Variants in RIMS2 observed in about 807,000 individuals in gnomAD.
RIMS2 encodes regulating synaptic membrane exocytosis 2.
A neutral mutation model predicts 174.4 loss-of-function variants in RIMS2; 59 were observed. The ratio of observed to expected loss-of-function variants is 0.34; its 90% CI spans 0.27 to 0.42. The LOEUF is 0.42. Among genes scored for constraint, RIMS2 ranks in the 10% least tolerant of loss-of-function variants. The pLI is 1.00. For synonymous variants in RIMS2, 606 were observed against 572.5 expected (o/e 1.06, Z -0.84); for missense variants, 1,620 against 1,666.3 (o/e 0.97, Z 0.48).
At chr8:103,934,003 T>G (rs888006437) in intron 12 of RIMS2, among the ~76,000 whole-genome samples, 1 of 152,126 alleles carries the variant, frequency 6.6e-6, no homozygotes, top group Non-Finnish European at 1.5e-5. Flanking sequence ...TGAAAATTAT[T>G]TTCTAGGTAA....
chr8:104,183,217 C>G (rs1452728399), intron 19 of RIMS2, among the ~76,000 whole-genome samples: 1 of 151,592 alleles, frequency 6.6e-6, no homozygotes, highest in Non-Finnish European at 1.5e-5. Context: ...TATAATTTTT[C>G]TAATTATTTA....
chr8:103,645,621 AGTTCTAGGAAATT>A (rs2096311787), intron 1 of RIMS2, among the ~76,000 whole-genome samples: 1 of 152,128 alleles, frequency 6.6e-6, no homozygotes, highest in African/African-American at 2.4e-5. Flanking sequence ...TCTTAGGATA[AGTTCTAGGAAATT>A]GTGAGAAACC....
intron 19 of RIMS2, among the ~76,000 whole-genome samples, chr8:104,117,379 A>C (rs1000739383): frequency 1.3e-5 from 2 of 152,018 alleles, no homozygotes; most frequent in Non-Finnish European, 2.9e-5. Flanking sequence ...TATACCTTTG[A>C]AATAAATTTC....
intron 20 of RIMS2, 73 bp downstream of exon 26, chr8:104,245,130 T>G: frequency 6.8e-7 from 1 of 1,465,362 alleles, no homozygotes; most frequent in Non-Finnish European, 9.4e-7. Flanking sequence ...TTCACAGAGA[T>G]TTTCCAACTC....
intron 19 of RIMS2, among the ~76,000 whole-genome samples, chr8:104,142,053 A>T (rs2098583120): frequency 6.6e-6 from 1 of 152,116 alleles, no homozygotes; most frequent in African/African-American, 2.4e-5. Flanking sequence ...TTTGAGAATA[A>T]TGCCTGCTAC....
chr8:103,794,228 C>G (rs534271671), intron 3 of RIMS2, among the ~76,000 whole-genome samples: 2 of 152,040 alleles, frequency 1.3e-5, no homozygotes, highest in South Asian at 4.2e-4. Flanking sequence ...CTGGCACTAA[C>G]ACAGAGATAT....
At chr8:103,671,978 A>G (rs1439645531) in intron 1 of RIMS2, among the ~76,000 whole-genome samples, 7 of 152,202 alleles carry the variant, frequency 4.6e-5, no homozygotes, top group Non-Finnish European at 1.0e-4. Context: ...TGAGGTCACA[A>G]AAAGACAACT....
chr8:103,949,568 A>T (rs1224688721), intron 14 of RIMS2, among the ~76,000 whole-genome samples: 2 of 152,196 alleles, frequency 1.3e-5, no homozygotes, highest in Admixed American at 1.3e-4. Context: ...TTAAACAGGA[A>T]ATTAAAAATT....
intron 19 of RIMS2, among the ~76,000 whole-genome samples, chr8:104,089,470 A>G (rs2097595287): frequency 6.6e-6 from 1 of 151,874 alleles, no homozygotes; most frequent in African/African-American, 2.4e-5. Context: ...TGAGTTGTAT[A>G]TGTGAATATG....
intron 19 of RIMS2, chr8:104,223,637 G>A: frequency 1.3e-6 from 2 of 1,585,910 alleles, no homozygotes; most frequent in Non-Finnish European, 8.5e-7. Context: ...CGGGAAAAGC[G>A]GGTCCTCGTC....
chr8:103,853,765 A>G (rs2099012072), intron 3 of RIMS2, among the ~76,000 whole-genome samples: 1 of 152,146 alleles, frequency 6.6e-6, no homozygotes, highest in African/African-American at 2.4e-5. Context: ...CACAAGTACC[A>G]TGCTGTTTTG....
intron 2 of RIMS2, among the ~76,000 whole-genome samples, chr8:103,707,345 G>T (rs2097245226): frequency 6.6e-6 from 1 of 152,162 alleles, no homozygotes; most frequent in South Asian, 2.1e-4. Flanking sequence ...GTTTGTTGAT[G>T]CCTAGGCATT....
chr8:104,226,414 T>C (rs2099188414), intron 19 of RIMS2, among the ~76,000 whole-genome samples: 1 of 152,174 alleles, frequency 6.6e-6, no homozygotes, highest in South Asian at 2.1e-4. Context: ...ACACAAAAAG[T>C]GCCAAGAAGT....
intron 4 of RIMS2, among the ~76,000 whole-genome samples, chr8:103,907,725 TTTTTA>T (rs1404846162): frequency 1.3e-5 from 2 of 151,680 alleles, no homozygotes; most frequent in Non-Finnish European, 2.9e-5. Context: ...TTTTTTGTTT[TTTTTA>T]TTTTATTTTA....
intron 19 of RIMS2, among the ~76,000 whole-genome samples, chr8:104,230,099 G>C (rs1192826708): frequency 1.3e-5 from 2 of 151,978 alleles, no homozygotes; most frequent in African/African-American, 2.4e-5. Context: ...GACCAACATG[G>C]AGAAACCCTG....
chr8:103,863,290 C>G (rs1258397909), intron 3 of RIMS2, among the ~76,000 whole-genome samples: 1 of 151,954 alleles, frequency 6.6e-6, no homozygotes, highest in Non-Finnish European at 1.5e-5. Flanking sequence ...TATATTGAAC[C>G]ATTCTTGCAT....
At chr8:104,167,793 T>C (rs1220104362) in intron 19 of RIMS2, among the ~76,000 whole-genome samples, 1 of 152,098 alleles carries the variant, frequency 6.6e-6, no homozygotes, top group African/African-American at 2.4e-5. Flanking sequence ...TGTTCTAGAG[T>C]TTTTATGGTT....
chr8:104,136,729 T>C (rs547224008), intron 19 of RIMS2, among the ~76,000 whole-genome samples: 1 of 152,160 alleles, frequency 6.6e-6, no homozygotes, highest in South Asian at 2.1e-4. Context: ...TTCTCACTTA[T>C]AAGTGGGAGT....
rs973446651 is a variant in RIMS2 at position 103,999,505 on chromosome 8, G to A, written c.3044+10084G>A. Among the ~76,000 whole-genome samples, 3 of 151,036 alleles carry A rather than the reference G, an allele frequency of 2.0e-5. No individual in the cohort carries two copies. The South Asian group carries it at 6.2e-4, about 31-fold the overall frequency. ...TTACTGTTGCTATATGTTGCATTCC[G>A]ACTATTTTTTACTTTCAGTAATTAT... On this transcript the variant is annotated intron_variant, in intron 17 of 23. Transcript: ENST00000504942.
Sources: gnomAD v4.1 joint callset for allele counts (sites outside exome capture counted in the v4.1 genomes callset) on GRCh38, gnomAD v4.1.1 for gene constraint, MANE v1.5 for transcripts, NCBI Gene and HGNC (gene_info 2026-07-23, HGNC 2026-07-21) for gene names.